Variants in PTPRG observed in about 807,000 individuals in gnomAD.
PTPRG encodes the protein protein tyrosine phosphatase receptor type G.
In PTPRG, 102 loss-of-function variants were observed where a neutral mutation model predicts 165.3. The ratio of observed to expected loss-of-function variants is 0.62; its 90% CI spans 0.53 to 0.73. PTPRG has a LOEUF of 0.73. Among genes scored for constraint, PTPRG ranks in the 30% least tolerant of loss-of-function variants. The probability of loss-of-function intolerance (pLI) is 0.00; values close to 1 mark genes in which losing one functional copy is unlikely to be tolerated. For synonymous variants in PTPRG, 675 were observed against 669.5 expected (o/e 1.01, Z -0.13); for missense variants, 1,866 against 1,861.4 (o/e 1.00, Z -0.05).
chr3:62,162,201 A>ATTTT (rs2106715090), intron 7 of PTPRG, among the ~76,000 whole-genome samples: 1 of 152,314 alleles, frequency 6.6e-6, no homozygotes, highest in African/African-American at 2.4e-5. Context: ...TTAAAAACTA[A>ATTTT]TTATTCTCCG....
intron 2 of PTPRG, among the ~76,000 whole-genome samples, chr3:61,984,155 G>A (rs1420694930): frequency 6.6e-6 from 1 of 152,110 alleles, no homozygotes; most frequent in Non-Finnish European, 1.5e-5. Context: ...CTAGTCTACT[G>A]AATTGTAACA....
chr3:62,077,913 G>T (rs527871764), intron 4 of PTPRG, among the ~76,000 whole-genome samples: 1 of 151,126 alleles, frequency 6.6e-6, no homozygotes, highest in East Asian at 1.9e-4. Context: ...CAGGAGAATC[G>T]CTTGAACCTG....
chr3:62,257,058 G>A (rs1701552828), intron 16 of PTPRG, among the ~76,000 whole-genome samples: 1 of 152,136 alleles, frequency 6.6e-6, no homozygotes, highest in Non-Finnish European at 1.5e-5. Context: ...TGATTTCACT[G>A]TCTTTTCAGG....
intron 9 of PTPRG, among the ~76,000 whole-genome samples, chr3:62,193,019 G>A (rs1576119017): frequency 6.6e-6 from 1 of 152,232 alleles, no homozygotes; most frequent in East Asian, 1.9e-4. Flanking sequence ...ATTGTTATCT[G>A]GGTCACGTTA....
At chr3:62,024,725 C>T (rs759514434) in intron 4 of PTPRG, among the ~76,000 whole-genome samples, 1 of 152,134 alleles carries the variant, frequency 6.6e-6, no homozygotes, top group East Asian at 1.9e-4. Flanking sequence ...CCTTCTGCAA[C>T]CCCTAATGTG....
chr3:61,986,135 A>G (rs1434466345), intron 2 of PTPRG, among the ~76,000 whole-genome samples: 2 of 152,178 alleles, frequency 1.3e-5, no homozygotes, highest in Non-Finnish European at 2.9e-5. Flanking sequence ...ATTTAATATG[A>G]TTGAATCATC....
At chr3:62,263,805 G>A (rs1035859998) in intron 17 of PTPRG, 3 of 152,232 alleles carry the variant, frequency 2.0e-5, no homozygotes, top group African/African-American at 7.2e-5. Context: ...TTGAGGCCAT[G>A]AGTGCAAGAC....
chr3:61,922,627 C>A lies in PTPRG; in HGVS notation c.191-66998C>A, dbSNP rs924689600. Among the ~76,000 whole-genome samples, 4 of 152,202 alleles carry A rather than the reference C, an allele frequency of 2.6e-5. No individual in the cohort carries two copies. The East Asian group carries it at 7.7e-4, about 29-fold the overall frequency. The stretch of plus-strand genomic sequence containing the variant: ...TCACCCTCAGCTGTCATATAACTTG[C>A]TCCTTAGCTCAGTTCAGGTCTTTTA... On this transcript the variant is annotated intron_variant, in intron 2 of 29. Coordinates refer to ENST00000474889, the MANE Select transcript of PTPRG (RefSeq NM_002841.4).
chr3:61,634,256 G>C lies in PTPRG; in HGVS notation c.85+71884G>C, dbSNP rs562045101. ...TGAGCCACCAAACTGCCTGTTTTTT[G>C]AGACAGAGTCTCCTACTGTCATCTG... On this transcript the variant is annotated intron_variant, in intron 1 of 29. Coordinates refer to ENST00000474889, the MANE Select transcript of PTPRG (RefSeq NM_002841.4). Among the ~76,000 whole-genome samples, 52 of 151,404 alleles carry C rather than the reference G, an allele frequency of 3.4e-4. No homozygotes were observed. In the South Asian group the frequency reaches 0.011, roughly 31 times the overall value.
At chr3:61,842,684 CAA>C (rs199500194) in intron 2 of PTPRG, among the ~76,000 whole-genome samples, 1,865 of 121,562 alleles carry the variant, frequency 0.015, 37 homozygotes, top group African/African-American at 0.053. Context: ...GTATGTGTGG[CAA>C]AAAAAAAAAA....
intron 2 of PTPRG, among the ~76,000 whole-genome samples, chr3:61,966,872 G>C (rs2040284700): frequency 6.6e-6 from 1 of 152,154 alleles, no homozygotes; most frequent in African/African-American, 2.4e-5. Flanking sequence ...AGGCCACTTT[G>C]TTTTTGCTTA....
chr3:61,755,088 A>G (rs1031951421), intron 2 of PTPRG, among the ~76,000 whole-genome samples: 3 of 151,310 alleles, frequency 2.0e-5, no homozygotes, highest in African/African-American at 7.3e-5. Context: ...GCTCACTGCA[A>G]CCTCCGCCTC....
chr3:61,944,570 CA>C (rs2039709412), intron 2 of PTPRG, among the ~76,000 whole-genome samples: 1 of 152,190 alleles, frequency 6.6e-6, no homozygotes. Context: ...CCCCTTTTCA[CA>C]GGGCCAGACA....
chr3:61,910,844 G>T (rs894355840), intron 2 of PTPRG, among the ~76,000 whole-genome samples: 5 of 152,180 alleles, frequency 3.3e-5, no homozygotes, highest in African/African-American at 1.2e-4. Flanking sequence ...ACTGTCAGGG[G>T]CTTCCCTTGG....
At chr3:61,615,629 C>A (rs2106883537) in intron 1 of PTPRG, among the ~76,000 whole-genome samples, 1 of 152,290 alleles carries the variant, frequency 6.6e-6, no homozygotes, top group Non-Finnish European at 1.5e-5. Context: ...CATAAACTTT[C>A]AACTTACTCT....
At chr3:61,907,260 C>T (rs150705545) in intron 2 of PTPRG, among the ~76,000 whole-genome samples, 1 of 152,160 alleles carries the variant, frequency 6.6e-6, no homozygotes, top group African/African-American at 2.4e-5. Flanking sequence ...GAGGGTGACT[C>T]TCAAATCTCA....
chr3:61,952,091 C>T (rs141889720), intron 2 of PTPRG, among the ~76,000 whole-genome samples: 61 of 144,440 alleles, frequency 4.2e-4, no homozygotes, highest in Non-Finnish European at 7.9e-4. Flanking sequence ...GCACTGCAGC[C>T]TGGCGACAGA....
At chr3:61,786,899 G>C (rs369374340) in intron 2 of PTPRG, among the ~76,000 whole-genome samples, 3 of 152,146 alleles carry the variant, frequency 2.0e-5, no homozygotes, top group African/African-American at 7.2e-5. Flanking sequence ...AGAGAAAATA[G>C]ATGTCTTTTG....
intron 1 of PTPRG, among the ~76,000 whole-genome samples, chr3:61,669,589 C>T (rs1275914850): frequency 6.6e-6 from 1 of 152,186 alleles, no homozygotes; most frequent in Non-Finnish European, 1.5e-5. Flanking sequence ...ACCCCCGTGC[C>T]TGCAGTGTAT....
Sources: gnomAD v4.1 joint callset for allele counts (sites outside exome capture counted in the v4.1 genomes callset) on GRCh38, gnomAD v4.1.1 for gene constraint, MANE v1.5 for transcripts, NCBI Gene and HGNC (gene_info 2026-07-23, HGNC 2026-07-21) for gene names.